Variants in HEBP1 observed in about 807,000 individuals in gnomAD.
The protein encoded by HEBP1 is heme-binding protein 1.
Under a neutral mutation model 20.4 loss-of-function variants are expected in HEBP1, and 13 were observed. The ratio of observed to expected loss-of-function variants is 0.64; its 90% CI spans 0.42 to 1.01. The LOEUF (loss-of-function observed/expected upper bound fraction) is 1.01, where lower values mean the gene tolerates loss of function less well. HEBP1 is among the 50% of genes least tolerant of loss of function. The probability of loss-of-function intolerance (pLI) is 0.00; values close to 1 mark genes in which losing one functional copy is unlikely to be tolerated. For synonymous variants in HEBP1, 92 were observed against 90.7 expected (o/e 1.01, Z -0.08); for missense variants, 241 against 247.3 (o/e 0.97, Z 0.17).
rs777493570 is a variant in HEBP1, at chr12:12,989,354, G to A, written c.140C>T (p.Thr47Ile). Residue 47 changes from threonine (T) to isoleucine (I), a missense_variant, in exon 2 of 4, where the codon ACA becomes ATA. By Grantham distance (89) the Thr-to-Ile change is moderately conservative. Transcript: ENST00000014930. ...TAGAGCCTCATCCACAGGCTTATCT[G>A]TCACTTCTACTGTGGCAAATTTGCC... is the stretch of plus-strand genomic sequence containing the variant. ...EGGKFATVEV[T>I]DKPVDEALRE... 1.2e-6 allele frequency: 2 copies of A among 1,614,198 alleles called. No homozygotes were observed. The highest frequency in any genetic ancestry group is 2.2e-5 in the East Asian group (1 of 44,884).
chr12:12,995,578 T>C (rs1349786291), intron 1 of HEBP1, among the ~76,000 whole-genome samples: 2 of 152,212 alleles, frequency 1.3e-5, no homozygotes, highest in Non-Finnish European at 2.9e-5. Flanking sequence ...CTTGTTTTCA[T>C]AGCATCTGTA....
rs549716051 is a variant in HEBP1 at position 12,998,074 on chromosome 12, C to A, written c.78+1963G>T. Among the ~76,000 whole-genome samples, 8 of 152,234 alleles carry A rather than the reference C, an allele frequency of 5.3e-5. No individual in the cohort carries two copies. The highest frequency in any genetic ancestry group is 1.9e-4 in the African/African-American group (8 of 41,536). ...TTATTGCATTTGTGTCCAGCCTATG[C>A]ACAACTATGTCAGTTTCCCTACTCA... On this transcript the variant is annotated intron_variant, in intron 1 of 3. Transcript: ENST00000014930. This position sits in a 1 kb window ranked among gnomAD's most constrained non-coding sequence, Gnocchi z 4.2.
intron 1 of HEBP1, among the ~76,000 whole-genome samples, chr12:12,994,559 C>A (rs554957530): frequency 2.6e-4 from 40 of 152,228 alleles, no homozygotes; most frequent in Admixed American, 7.8e-4. Context: ...GAAAGGCTGC[C>A]AAGAAGGGAC....
rs1863961670 is a variant in HEBP1 at position 12,975,244 on chromosome 12, C to T, written c.*64G>A. The T allele has an allele frequency of 6.5e-7, 1 of 1,531,696 alleles. No individual in the cohort carries two copies. Among genetic ancestry groups the T allele is most frequent in the African/African-American group, 1.4e-5 (1 of 73,084 alleles). 94.9% of individuals were successfully genotyped at this position (1,531,696 alleles called of 1,614,324 possible). A position where few individuals can be genotyped will look rare whatever the true frequency, so the allele number is the denominator to read the frequency against. ...TGGAACTTGGGAAGCACTGTCCCCT[C>T]CTTACCCCCGAGGAAGGAGACACAG... On this transcript the variant is annotated 3_prime_UTR_variant, in exon 4 of 4. Coordinates refer to ENST00000014930, the MANE Select transcript of HEBP1 (RefSeq NM_015987.5).
At chr12:12,999,113 A>G (rs1864323763) in intron 1 of HEBP1, among the ~76,000 whole-genome samples, 1 of 152,182 alleles carries the variant, frequency 6.6e-6, no homozygotes, top group Non-Finnish European at 1.5e-5. Context: ...GCGCATTTAT[A>G]TCTATTCTGC....
At chr12:12,993,279 A>T (rs1187170233) in intron 1 of HEBP1, among the ~76,000 whole-genome samples, 1 of 151,116 alleles carries the variant, frequency 6.6e-6, no homozygotes, top group African/African-American at 2.4e-5. Context: ...GGCTCACGTG[A>T]TCCTCCCACC....
At chr12:12,983,879 C>T (rs1178964641) in intron 3 of HEBP1, 1 of 423,306 alleles carries the variant, frequency 2.4e-6, no homozygotes, top group Non-Finnish European at 4.7e-6. Flanking sequence ...CTAAGATGTG[C>T]TCAAAACATC....
At chr12:12,985,597 G>A (rs1260466072) in intron 3 of HEBP1, 1 of 152,096 alleles carries the variant, frequency 6.6e-6, no homozygotes, top group Non-Finnish European at 1.5e-5. Context: ...ATTCAATCAT[G>A]TCTATCTCAT....
chr12:12,987,590 T>TC (rs1592403807), intron 2 of HEBP1, among the ~76,000 whole-genome samples: 9 of 133,212 alleles, frequency 6.8e-5, no homozygotes, highest in African/African-American at 1.5e-4. Context: ...ATCAGTCTCT[T>TC]TCTCTCTCTC....
chr12:12,995,886 C>A (rs2136552072), intron 1 of HEBP1, among the ~76,000 whole-genome samples: 2 of 152,308 alleles, frequency 1.3e-5, no homozygotes, highest in Middle Eastern at 6.8e-3. Context: ...GCTACAAAAA[C>A]CAATTTTCAA....
In HEBP1 at chr12:13,000,091, C is replaced by A; in HGVS notation, c.24G>T (p.Ser8=). Residue 8 remains serine, a synonymous_variant, in exon 1 of 4, where the codon TCG becomes TCT. Transcript: ENST00000014930. The part of the protein sequence containing the change: MLGMIKN[S]LFGSVETWPW... Reference sequence around the variant, plus strand: ...GCCACGTCTCTACGCTTCCGAACAGCGAGTTCTTGATCATGCCCAACATGT... The same window carrying A: ...GCCACGTCTCTACGCTTCCGAACAGAGAGTTCTTGATCATGCCCAACATGT... 3 of 1,612,346 alleles carry A rather than the reference C, an allele frequency of 1.9e-6. No individual in the cohort carries two copies. Among genetic ancestry groups the A allele is most frequent in the Non-Finnish European group, 2.5e-6 (3 of 1,179,094 alleles).
At chr12:12,999,860 C>T (rs1864332774) in intron 1 of HEBP1, among the ~76,000 whole-genome samples, 177 bp downstream of exon 1, 1 of 152,258 alleles carries the variant, frequency 6.6e-6, no homozygotes, top group Non-Finnish European at 1.5e-5. Flanking sequence ...CCTCTCACTC[C>T]TTTCCTTCCC....
chr12:13,000,219 C>CGGCAGGGT lies in HEBP1; in HGVS notation c.-106_-105insACCCTGCC, dbSNP rs1864338405. The stretch of plus-strand genomic sequence containing the variant: ...GCGGCAGGGCGGCAGGGCGGCAGGG[C>CGGCAGGGT]GGCAGGGCGGCAGGGTGGCAGGGCG... On this transcript the variant is annotated 5_prime_UTR_variant, in exon 1 of 4. Coordinates refer to ENST00000014930, the MANE Select transcript of HEBP1 (RefSeq NM_015987.5). 3 of 378,612 alleles carry CGGCAGGGT rather than the reference C, an allele frequency of 7.9e-6. No homozygotes were observed. The highest frequency in any genetic ancestry group is 1.4e-5 in the Non-Finnish European group (3 of 219,592). 23.5% of individuals were successfully genotyped at this position (378,612 alleles called of 1,614,324 possible).
At position 12,986,050 on chromosome 12, in the gene HEBP1, AG is replaced by A. The variant is rs1864148136; in HGVS notation, c.398+1101del. On this transcript the variant is annotated intron_variant, in intron 3 of 3. Coordinates refer to ENST00000014930, the MANE Select transcript of HEBP1 (RefSeq NM_015987.5). This position sits in a 1 kb window ranked among gnomAD's most constrained non-coding sequence, Gnocchi z 4.3. ...AGTGCTTCCTTAAATGCTGCACCCA[AG>A]GTGCATCTCCACCCTAGGAAAAGAT... is the stretch of plus-strand genomic sequence containing the variant. 1 of 152,202 alleles carries A rather than the reference AG, an allele frequency of 6.6e-6. No homozygotes were observed. The highest frequency in any genetic ancestry group is 6.5e-5 in the Admixed American group (1 of 15,276). The allele number at this position is 152,202 out of a possible 1,614,324, so 9.4% of individuals were successfully genotyped here.
At chr12:12,997,516 A>C (rs976730002) in intron 1 of HEBP1, among the ~76,000 whole-genome samples, 9 of 152,118 alleles carry the variant, frequency 5.9e-5, no homozygotes, top group Non-Finnish European at 1.0e-4. Flanking sequence ...GCCACAGAGA[A>C]GCTCCTAGTA....
rs747053043 is a variant in HEBP1, at chr12:12,975,334, T to G, written c.544A>C (p.Asn182His). Residue 182 changes from asparagine (N) to histidine (H), a missense_variant, in exon 4 of 4, where the codon AAT (asparagine) becomes CAT (histidine). By Grantham distance (68) the Asn-to-His change is moderately conservative. Transcript: ENST00000014930. The stretch of plus-strand genomic sequence containing the variant: ...CATGTCTTCAACAGCCAGATCTCAT[T>G]GCGCCGTCCGTAGGGCTTCATGGGA... ...DPPMKPYGRR[N>H]EIWLLKT 4 of 1,613,984 alleles carry G rather than the reference T, an allele frequency of 2.5e-6. No individual in the cohort carries two copies. The highest frequency in any genetic ancestry group is 1.7e-6 in the Non-Finnish European group (2 of 1,179,974).
At chr12:12,995,549 A>G (rs1864278564) in intron 1 of HEBP1, among the ~76,000 whole-genome samples, 1 of 152,206 alleles carries the variant, frequency 6.6e-6, no homozygotes, top group South Asian at 2.1e-4. Flanking sequence ...GTATTAAACC[A>G]GTTCTAGTGC....
Position 12,986,735 on chromosome 12 carries a change from C to A in HEBP1, c.398+417G>T, listed in dbSNP as rs1864156815. 1 of 158,718 alleles carries A rather than the reference C, an allele frequency of 6.3e-6. No individual in the cohort carries two copies. The highest frequency in any genetic ancestry group is 1.4e-5 in the Non-Finnish European group (1 of 72,322). The allele number at this position is 158,718 out of a possible 1,614,324, so 9.8% of individuals were successfully genotyped here. On this transcript the variant is annotated intron_variant, in intron 3 of 3. Coordinates refer to ENST00000014930, the MANE Select transcript of HEBP1 (RefSeq NM_015987.5). This position sits in a 1 kb window ranked among gnomAD's most constrained non-coding sequence, Gnocchi z 4.3. Reference sequence around the variant, plus strand: ...AAGGAGGATGGAAGCCCAGCTCTAGCAAATGCTCCCTGCTCTCTGGCATTC... The same window carrying A: ...AAGGAGGATGGAAGCCCAGCTCTAGAAAATGCTCCCTGCTCTCTGGCATTC...
chr12:12,982,764 T>C (rs1864102933), intron 3 of HEBP1, among the ~76,000 whole-genome samples: 1 of 152,216 alleles, frequency 6.6e-6, no homozygotes, highest in Non-Finnish European at 1.5e-5. Context: ...GGAGCTGAGG[T>C]TCTAACCCAA....
Sources: allele counts gnomAD v4.1 joint callset (sites outside exome capture counted in the v4.1 genomes callset), GRCh38; gene constraint gnomAD v4.1.1; non-coding constraint Gnocchi (gnomAD v3.1); transcripts MANE v1.5; gene names NCBI Gene and HGNC (gene_info 2026-07-23, HGNC 2026-07-21).